The following COG5 variants were observed in gnomAD, a reference collection of about 807,000 sequenced individuals.
The protein encoded by COG5 is component of oligomeric golgi complex 5.
COG5 carries 86 observed loss-of-function variants against 110.4 expected under a neutral mutation model. That is an observed-to-expected ratio of 0.78 (90% CI 0.65 to 0.93). COG5 has a LOEUF of 0.93. Among genes scored for constraint, COG5 ranks in the 40% least tolerant of loss-of-function variants. The pLI, the probability that COG5 is intolerant of heterozygous loss-of-function variation, is 0.00. For synonymous variants in COG5, 360 were observed against 334.6 expected, an observed-to-expected ratio of 1.08 and a Z score of -0.83; for missense variants, 1,077 against 987.0, an observed-to-expected ratio of 1.09 and a Z score of -1.22.
chr7:107,463,566 G>A (rs746354206), intron 6 of COG5, among the ~76,000 whole-genome samples: 2 of 152,156 alleles, frequency 1.3e-5, no homozygotes, highest in Non-Finnish European at 2.9e-5. Context: ...ACATTTAGCA[G>A]AGGAACCCAA....
At chr7:107,400,786 G>A (rs866281905) in intron 7 of COG5, among the ~76,000 whole-genome samples, 3 of 152,122 alleles carry the variant, frequency 2.0e-5, no homozygotes, top group African/African-American at 7.2e-5. Context: ...ATTGTGGATT[G>A]TTCACAACAA....
At chr7:107,283,524 A>T in intron 13 of COG5, 47 bp downstream of exon 13, 2 of 1,505,922 alleles carry the variant, frequency 1.3e-6, no homozygotes, top group Non-Finnish European at 1.8e-6. Flanking sequence ...ATCACTAACA[A>T]ATATGGCAGT....
chr7:107,478,191 T>C (rs1004631495), intron 6 of COG5, among the ~76,000 whole-genome samples: 1 of 151,888 alleles, frequency 6.6e-6, no homozygotes, highest in Non-Finnish European at 1.5e-5. Context: ...ATGTGGTAAA[T>C]TTTATTTGCT....
intron 6 of COG5, among the ~76,000 whole-genome samples, chr7:107,481,193 A>G (rs775988649): frequency 1.3e-5 from 2 of 152,118 alleles, no homozygotes; most frequent in Non-Finnish European, 2.9e-5. Context: ...CATGAGAGCA[A>G]TATGTCATAT....
chr7:107,269,422 C>A (rs951005364), intron 14 of COG5, among the ~76,000 whole-genome samples: 2 of 151,490 alleles, frequency 1.3e-5, no homozygotes, highest in African/African-American at 4.9e-5. Flanking sequence ...TTGCAGTGAG[C>A]CGAGATCGTG....
chr7:107,442,446 C>T (rs1794763275), intron 6 of COG5, among the ~76,000 whole-genome samples: 1 of 151,368 alleles, frequency 6.6e-6, no homozygotes, highest in Non-Finnish European at 1.5e-5. Context: ...AAAGAGAAAG[C>T]TTGATATGGC....
Position 107,296,121 on chromosome 7 carries a change from ACCTT to A in COG5, c.1313+2017_1313+2020del, listed in dbSNP as rs141605638. Among the ~76,000 whole-genome samples, 1,274 of 143,052 alleles carry A rather than the reference ACCTT, an allele frequency of 8.9e-3. 11 individuals are homozygous for A. The highest frequency in any genetic ancestry group is 0.013 in the Non-Finnish European group (844 of 64,686). The allele number at this position is 143,052 out of a possible 152,430, so 93.8% of individuals were successfully genotyped here. ...CCCTTCCTTCCTCACACAGTGACCT[ACCTT>A]CCTTCCTTCCTTCCTTCTTTCCCTC... On this transcript the variant is annotated intron_variant, in intron 12 of 21. Transcript: ENST00000297135.
intron 6 of COG5, among the ~76,000 whole-genome samples, chr7:107,513,318 C>T (rs1799678072): frequency 1.3e-5 from 2 of 151,922 alleles, no homozygotes; most frequent in South Asian, 4.1e-4. Flanking sequence ...CACTGGCCAT[C>T]AGAGAAATGC....
intron 8 of COG5, 136 bp downstream of exon 8, chr7:107,372,457 CAT>C (rs1469791711): frequency 1.2e-6 from 1 of 813,756 alleles, no homozygotes; most frequent in Non-Finnish European, 1.9e-6. Context: ...AATTCTGAAA[CAT>C]AATTTCTTCT....
intron 7 of COG5, among the ~76,000 whole-genome samples, chr7:107,404,557 G>A (rs978468511): frequency 2.0e-5 from 3 of 152,078 alleles, no homozygotes; most frequent in Non-Finnish European, 4.4e-5. Context: ...AGAGTACCAA[G>A]GCCCTAAAGA....
chr7:107,210,069 G>A, intron 21 of COG5: 2 of 1,037,286 alleles, frequency 1.9e-6, no homozygotes, highest in Non-Finnish European at 2.3e-6. Flanking sequence ...CTACTGGAGG[G>A]CCATGGTATC....
In COG5 at chr7:107,201,705, G is replaced by A; in HGVS notation, c.*1811C>T. ...TCAGGTAATAATAGGCTTGAAAATT[G>A]ATATCCTGTGGTGCTAAAGTACAGT... is the stretch of plus-strand genomic sequence containing the variant. On this transcript the variant is annotated 3_prime_UTR_variant, in exon 22 of 22. Coordinates refer to ENST00000297135, the MANE Select transcript of COG5 (RefSeq NM_006348.5). 1 of 360,890 alleles carries A rather than the reference G, an allele frequency of 2.8e-6. No individual in the cohort carries two copies. The highest frequency in any genetic ancestry group is 5.0e-6 in the Non-Finnish European group (1 of 199,528). The allele number at this position is 360,890 out of a possible 1,614,324, so 22.4% of individuals were successfully genotyped here.
At chr7:107,469,317 C>T (rs1796493893) in intron 6 of COG5, among the ~76,000 whole-genome samples, 1 of 151,720 alleles carries the variant, frequency 6.6e-6, no homozygotes, top group Non-Finnish European at 1.5e-5. Flanking sequence ...TATACATCTA[C>T]CAAATAAAAG....
intron 6 of COG5, among the ~76,000 whole-genome samples, chr7:107,419,527 G>C (rs1793122985): frequency 6.6e-6 from 1 of 151,182 alleles, no homozygotes; most frequent in Non-Finnish European, 1.5e-5. Flanking sequence ...AAATGAAATA[G>C]AGAAAGGCAT....
chr7:107,272,719 G>A (rs1804379310), intron 14 of COG5, among the ~76,000 whole-genome samples: 1 of 152,086 alleles, frequency 6.6e-6, no homozygotes, highest in African/African-American at 2.4e-5. Flanking sequence ...AATATGCTAA[G>A]ACTATCTAAG....
At chr7:107,271,056 C>CA (rs1487410500) in intron 14 of COG5, among the ~76,000 whole-genome samples, 1 of 151,758 alleles carries the variant, frequency 6.6e-6, no homozygotes, top group Non-Finnish European at 1.5e-5. Flanking sequence ...TGTAGTAGAG[C>CA]AAATCGCTCT....
At chr7:107,260,859 C>T (rs371522253) in intron 14 of COG5, among the ~76,000 whole-genome samples, 7 of 152,038 alleles carry the variant, frequency 4.6e-5, no homozygotes, top group East Asian at 1.9e-4. Context: ...CTGATTTTAC[C>T]GCCCAGAATA....
Position 107,474,079 on chromosome 7 carries a change from C to G in COG5, c.538+53158G>C. ...CAAAAGAATGTGTTTTTCTCCCATT[C>G]TGGAAATCAACATGCAGTCTGAATC... On this transcript the variant is annotated intron_variant, in intron 6 of 21. Coordinates refer to ENST00000297135, the MANE Select transcript of COG5 (RefSeq NM_006348.5). The surrounding 1 kb of genome is among the most constrained non-coding windows in gnomAD (Gnocchi z 5.7). 1 of 1,565,686 alleles carries G rather than the reference C, an allele frequency of 6.4e-7. No individual in the cohort carries two copies. The highest frequency in any genetic ancestry group is 8.7e-7 in the Non-Finnish European group (1 of 1,152,926).
chr7:107,484,409 T>C (rs867804818), intron 6 of COG5, among the ~76,000 whole-genome samples: 16 of 152,178 alleles, frequency 1.1e-4, no homozygotes, highest in African/African-American at 2.9e-4. Flanking sequence ...TCTACATACT[T>C]TCTACTAGGT....
Sources: gnomAD v4.1 joint callset for allele counts (sites outside exome capture counted in the v4.1 genomes callset) on GRCh38, gnomAD v4.1.1 for gene constraint, Gnocchi (gnomAD v3.1) non-coding constraint, MANE v1.5 for transcripts, NCBI Gene and HGNC (gene_info 2026-07-23, HGNC 2026-07-21) for gene names.